ESR1: variants seen among roughly 807,000 people sequenced by gnomAD.
The protein encoded by ESR1 is estrogen receptor.
A neutral mutation model predicts 52.7 loss-of-function variants in ESR1; 12 were observed. That is an observed-to-expected ratio of 0.23 (90% CI 0.15 to 0.37). The LOEUF (loss-of-function observed/expected upper bound fraction) is 0.37. ESR1 is among the 10% of genes least tolerant of loss of function. ESR1 has a pLI of 1.00. For synonymous variants in ESR1, 305 were observed against 316.8 expected (o/e 0.96, Z 0.39); for missense variants, 584 against 779.7 (o/e 0.75, Z 2.99).
At chr6:152,002,884 TAA>T (rs916211996) in intron 4 of ESR1, among the ~76,000 whole-genome samples, 3 of 152,002 alleles carry the variant, frequency 2.0e-5, no homozygotes, top group African/African-American at 7.2e-5. Flanking sequence ...GAGATTTTGA[TAA>T]GAGAGAGTAC....
intron 4 of ESR1, among the ~76,000 whole-genome samples, chr6:151,955,700 G>C (rs868212332): frequency 1.3e-5 from 2 of 152,142 alleles, no homozygotes; most frequent in Non-Finnish European, 2.9e-5. Context: ...ATGAACTCCT[G>C]TGTGCTAGGA....
intron 1 of ESR1, among the ~76,000 whole-genome samples, chr6:151,667,330 T>C (rs1040661359): frequency 6.6e-6 from 1 of 152,222 alleles, no homozygotes; most frequent in Non-Finnish European, 1.5e-5. Flanking sequence ...GGGTCTTATC[T>C]TTTTCATCAC....
intron 2 of ESR1, among the ~76,000 whole-genome samples, chr6:151,704,384 G>A (rs1272255197): frequency 1.3e-5 from 2 of 152,110 alleles, no homozygotes; most frequent in African/African-American, 4.8e-5. Context: ...GATTACAGGT[G>A]CCCGCCACCA....
chr6:151,958,967 AG>A lies in ESR1; in HGVS notation c.1096+14460del, dbSNP rs1456134187. 9.8e-5 allele frequency among the ~76,000 whole-genome samples: 12 copies of A among 122,366 alleles called. No individual in the cohort carries two copies. In the East Asian group the frequency reaches 3.0e-3, roughly 31 times the overall value. The allele number at this position is 122,366 out of a possible 152,430, so 80.3% of individuals were successfully genotyped here. A position where few individuals can be genotyped will look rare whatever the true frequency, so the allele number is the denominator to read the frequency against. On this transcript the variant is annotated intron_variant, in intron 4 of 7. Transcript: ENST00000206249. ...CTACCGCTTCCATTGGAAGAGAAAA[AG>A]TTTCCGTGTGTGTGTGTGTGTGTGT... is the stretch of plus-strand genomic sequence containing the variant.
chr6:152,120,411 C>G (rs2051287283), intron 6 of ESR1, among the ~76,000 whole-genome samples: 1 of 152,158 alleles, frequency 6.6e-6, no homozygotes, highest in African/African-American at 2.4e-5. Context: ...ACACTTTAAC[C>G]ACGAGGTGGT....
rs2048665524 is a variant in ESR1 at position 152,075,448 on chromosome 6, A to T, written c.1369+14324A>T. Among the ~76,000 whole-genome samples the T allele has an allele frequency of 2.0e-5, 3 of 151,902 alleles. No individual in the cohort carries two copies. In the South Asian group the frequency reaches 6.2e-4, roughly 31 times the overall value. On this transcript the variant is annotated intron_variant, in intron 6 of 7. Transcript: ENST00000206249. Reference sequence around the variant, plus strand: ...TAAACCTGTTATAAACACTCATGTGACATTTTTTCAATACAGTTTTCATCC... The same window carrying T: ...TAAACCTGTTATAAACACTCATGTGTCATTTTTTCAATACAGTTTTCATCC...
intron 2 of ESR1, among the ~76,000 whole-genome samples, chr6:151,777,583 T>C (rs1786131658): frequency 6.6e-6 from 1 of 152,000 alleles, no homozygotes; most frequent in Non-Finnish European, 1.5e-5. Flanking sequence ...GTAAGAAGGG[T>C]CATGTGGGGA....
intron 4 of ESR1, among the ~76,000 whole-genome samples, chr6:151,978,686 T>A (rs9340930): frequency 7.3e-4 from 111 of 152,174 alleles, no homozygotes; most frequent in African/African-American, 2.6e-3. Context: ...CAATGCCAAC[T>A]GAAAATGAGA....
chr6:151,807,672 G>C (rs1279007926), upstream of ESR1: 2 of 600,306 alleles, frequency 3.3e-6, no homozygotes, highest in African/African-American at 3.7e-5. Context: ...TGGAGGCCCG[G>C]GAGCCCAGGA....
chr6:152,040,977 C>T (rs2045743957), intron 5 of ESR1, among the ~76,000 whole-genome samples: 1 of 152,164 alleles, frequency 6.6e-6, no homozygotes, highest in Admixed American at 6.5e-5. Flanking sequence ...GTGCACAACC[C>T]ACTTTATGGC....
At chr6:151,694,030 T>G (rs1374075968) in intron 1 of ESR1, among the ~76,000 whole-genome samples, 2 of 152,162 alleles carry the variant, frequency 1.3e-5, no homozygotes, top group African/African-American at 2.4e-5. Context: ...TAGTAGCACC[T>G]AAGGTTGGGG....
chr6:151,842,844 C>T (rs1452120572), intron 2 of ESR1, 57 bp downstream of exon 2: 1 of 1,469,516 alleles, frequency 6.8e-7, no homozygotes, highest in Non-Finnish European at 9.5e-7. Context: ...ATCCTAAGAG[C>T]CAAAGCGACT....
rs1228447857 is a variant in ESR1, at chr6:152,102,903, G to C, written c.*3937G>C. On this transcript the variant is annotated 3_prime_UTR_variant, in exon 8 of 8. Transcript: ENST00000206249. ...TATTGTCCCATGAGCAGGTGCCTGA[G>C]ACACAGACCCCTTTGCATTCACAGA... 3 of 225,822 alleles carry C rather than the reference G, an allele frequency of 1.3e-5. No individual in the cohort carries two copies. The highest frequency in any genetic ancestry group is 2.6e-5 in the Non-Finnish European group (3 of 113,220). 14.0% of individuals were successfully genotyped at this position (225,822 alleles called of 1,614,324 possible). A position where few individuals can be genotyped will look rare whatever the true frequency, so the allele number is the denominator to read the frequency against.
Position 152,002,184 on chromosome 6 carries a change from A to G in ESR1, c.1097-9472A>G, listed in dbSNP as rs746133378. 1.3e-3 allele frequency among the ~76,000 whole-genome samples: 148 copies of G among 113,464 alleles called. 1 individual carries two copies. The highest frequency in any genetic ancestry group is 2.0e-3 in the Non-Finnish European group (116 of 57,742). The allele number at this position is 113,464 out of a possible 152,430, so 74.4% of individuals were successfully genotyped here. A position where few individuals can be genotyped will look rare whatever the true frequency, so the allele number is the denominator to read the frequency against. On this transcript the variant is annotated intron_variant, in intron 4 of 7. Transcript: ENST00000206249. The stretch of plus-strand genomic sequence containing the variant: ...CAGGTGTTCCTCTAGATTTTAAATC[A>G]AGTGTGTGTGTGTGTGTGTGTGTGT...
At chr6:151,852,624 A>G (rs534361701) in intron 2 of ESR1, among the ~76,000 whole-genome samples, 7 of 150,062 alleles carry the variant, frequency 4.7e-5, no homozygotes, top group African/African-American at 1.7e-4. Context: ...ATGTCCAAAC[A>G]AGAACCAAGC....
At chr6:151,955,993 G>A (rs544189023) in intron 4 of ESR1, among the ~76,000 whole-genome samples, 1 of 152,162 alleles carries the variant, frequency 6.6e-6, no homozygotes, top group South Asian at 2.1e-4. Context: ...CTGCTTCTGT[G>A]TCAGTTTGCT....
Position 152,100,135 on chromosome 6 carries a change from C to T in ESR1, c.*1169C>T, listed in dbSNP as rs539695352. On this transcript the variant is annotated 3_prime_UTR_variant, in exon 8 of 8. Transcript: ENST00000206249. Reference sequence around the variant, plus strand: ...ACCTAGGAACATTCCTTGCAGACCCCGCATTGCCCTTTGGGGGTGCCCTGG... The same window carrying T: ...ACCTAGGAACATTCCTTGCAGACCCTGCATTGCCCTTTGGGGGTGCCCTGG... 20 of 398,698 alleles carry T rather than the reference C, an allele frequency of 5.0e-5. No homozygotes were observed. The South Asian group carries it at 2.3e-3, about 46-fold the overall frequency. The allele number at this position is 398,698 out of a possible 1,614,324, so 24.7% of individuals were successfully genotyped here. A position where few individuals can be genotyped will look rare whatever the true frequency, so the allele number is the denominator to read the frequency against.
At chr6:151,981,229 C>T (rs772798793) in intron 4 of ESR1, among the ~76,000 whole-genome samples, 1 of 152,170 alleles carries the variant, frequency 6.6e-6, no homozygotes, top group Non-Finnish European at 1.5e-5. Context: ...TTCTTTACCA[C>T]CTTGCTTTAA....
chr6:151,856,562 T>C (rs1787871158), intron 2 of ESR1, among the ~76,000 whole-genome samples: 1 of 151,640 alleles, frequency 6.6e-6, no homozygotes, highest in Non-Finnish European at 1.5e-5. Context: ...AGAAAATGCT[T>C]TGGCCAGCTT....
Sources: allele counts gnomAD v4.1 joint callset (sites outside exome capture counted in the v4.1 genomes callset), GRCh38; gene constraint gnomAD v4.1.1; transcripts MANE v1.5; gene names NCBI Gene and HGNC (gene_info 2026-07-23, HGNC 2026-07-21).